The following CTIF variants were observed in gnomAD, a reference collection of about 807,000 sequenced individuals.
CTIF encodes the protein cap binding complex dependent translation initiation factor, also known as CBP80/20-dependent translation initiation factor.
In CTIF, 21 loss-of-function variants were observed where a neutral mutation model predicts 66.0. The ratio of observed to expected loss-of-function variants is 0.32; its 90% CI spans 0.23 to 0.46. CTIF has a LOEUF of 0.46. Ranked by LOEUF, CTIF falls within the 20% of genes least tolerant of loss-of-function variation. The pLI is 1.00. For synonymous variants in CTIF, 345 were observed against 326.4 expected (o/e 1.06, Z -0.62); for missense variants, 739 against 812.7 (o/e 0.91, Z 1.10).
At position 48,862,354 on chromosome 18, in the gene CTIF, C is replaced by G. The variant is rs1013536541; in HGVS notation, c.*2795C>G. 6.6e-6 allele frequency: 1 copy of G among 152,438 alleles called. No homozygotes were observed. The highest frequency in any genetic ancestry group is 2.1e-4 in the South Asian group (1 of 4,838). 9.4% of individuals were successfully genotyped at this position (152,438 alleles called of 1,614,324 possible). A position where few individuals can be genotyped will look rare whatever the true frequency, so the allele number is the denominator to read the frequency against. On this transcript the variant is annotated 3_prime_UTR_variant, in exon 12 of 12. Coordinates refer to ENST00000256413, the MANE Select transcript of CTIF (RefSeq NM_014772.3). ...CAGCCATCTGATGTTGATCCTGTCTCAGTCTCCCCACTGCCTGTCAGGATG... is the reference window on the plus strand; with the variant it reads ...CAGCCATCTGATGTTGATCCTGTCTGAGTCTCCCCACTGCCTGTCAGGATG...
At chr18:48,640,338 G>A (rs770733158) in intron 3 of CTIF, among the ~76,000 whole-genome samples, 9 of 152,172 alleles carry the variant, frequency 5.9e-5, no homozygotes, top group East Asian at 1.9e-4. Context: ...GAGTCAGGGC[G>A]GGCTCTACTT....
At chr18:48,655,735 C>T (rs1027197041) in intron 3 of CTIF, among the ~76,000 whole-genome samples, 1 of 152,164 alleles carries the variant, frequency 6.6e-6, no homozygotes, top group Non-Finnish European at 1.5e-5. Flanking sequence ...TGTAGCAGGC[C>T]TGCTAGGGAA....
intron 6 of CTIF, among the ~76,000 whole-genome samples, chr18:48,674,509 G>T (rs2091593288): frequency 6.6e-6 from 1 of 152,250 alleles, no homozygotes; most frequent in Non-Finnish European, 1.5e-5. Flanking sequence ...TTTAGGAGGT[G>T]ATGCCTCCAC....
intron 1 of CTIF, among the ~76,000 whole-genome samples, chr18:48,554,300 C>T (rs538805773): frequency 3.0e-4 from 46 of 152,358 alleles, no homozygotes; most frequent in Non-Finnish European, 5.0e-4. Flanking sequence ...AGAAGACAAA[C>T]TGAGGACTGG....
At chr18:48,812,986 T>A (rs1260128029) in intron 9 of CTIF, among the ~76,000 whole-genome samples, 1 of 151,088 alleles carries the variant, frequency 6.6e-6, no homozygotes, top group Non-Finnish European at 1.5e-5. Flanking sequence ...CCACTCTCTA[T>A]CTTCTCTATC....
intron 6 of CTIF, among the ~76,000 whole-genome samples, chr18:48,692,237 T>C (rs1268635004): frequency 1.3e-5 from 2 of 152,088 alleles, no homozygotes; most frequent in East Asian, 3.8e-4. Flanking sequence ...TCCACTTGAC[T>C]TCTGGAGGTC....
At chr18:48,829,777 G>A (rs2068652763) in intron 10 of CTIF, among the ~76,000 whole-genome samples, 1 of 152,232 alleles carries the variant, frequency 6.6e-6, no homozygotes, top group South Asian at 2.1e-4. Context: ...CAGCTCTCCA[G>A]GACCCCTGTG....
intron 1 of CTIF, among the ~76,000 whole-genome samples, chr18:48,577,773 C>T (rs1281879319): frequency 6.6e-6 from 1 of 152,182 alleles, no homozygotes; most frequent in East Asian, 1.9e-4. Context: ...AGGCATTTCA[C>T]CATGTTGCCC....
chr18:48,609,888 G>T (rs1482815360), intron 1 of CTIF, among the ~76,000 whole-genome samples: 1 of 152,238 alleles, frequency 6.6e-6, no homozygotes, highest in Non-Finnish European at 1.5e-5. Context: ...CTGGGACTGG[G>T]TGACCTTGAG....
intron 7 of CTIF, among the ~76,000 whole-genome samples, chr18:48,747,938 AATTATT>A (rs767193504): frequency 6.7e-6 from 1 of 150,268 alleles, no homozygotes; most frequent in Admixed American, 6.7e-5. Flanking sequence ...AAATAATAAT[AATTATT>A]ATTATTATTA....
Position 48,594,275 on chromosome 18 carries a change from A to G in CTIF, c.-28-25263A>G, listed in dbSNP as rs184901511. On this transcript the variant is annotated intron_variant, in intron 1 of 11. Coordinates refer to ENST00000256413, the MANE Select transcript of CTIF (RefSeq NM_014772.3). ...CATGTTTGGTTAATACTCCATAGTCACTGTTTTGAAATTTTTATTTTGAGC... is the reference window on the plus strand; with the variant it reads ...CATGTTTGGTTAATACTCCATAGTCGCTGTTTTGAAATTTTTATTTTGAGC... Among the ~76,000 whole-genome samples, 545 of 152,018 alleles carry G rather than the reference A, an allele frequency of 3.6e-3. 4 individuals are homozygous for G. Among genetic ancestry groups the G allele is most frequent in the African/African-American group, 0.013 (519 of 41,440 alleles).
intron 3 of CTIF, among the ~76,000 whole-genome samples, chr18:48,648,395 C>T (rs1328557049): frequency 1.3e-5 from 2 of 151,998 alleles, no homozygotes; most frequent in African/African-American, 2.4e-5. Context: ...CTGCTGTTCT[C>T]CTGCTTCAAA....
intron 9 of CTIF, among the ~76,000 whole-genome samples, chr18:48,793,096 C>T (rs766459748): frequency 2.6e-4 from 40 of 152,228 alleles, no homozygotes; most frequent in African/African-American, 4.1e-4. Context: ...TGGCTGATGA[C>T]GGGGCTCTGA....
chr18:48,569,067 A>C (rs762028316), intron 1 of CTIF, among the ~76,000 whole-genome samples: 4 of 152,148 alleles, frequency 2.6e-5, no homozygotes, highest in Non-Finnish European at 2.9e-5. Flanking sequence ...TCTGTGTCCC[A>C]GCCTCCTCCT....
intron 1 of CTIF, among the ~76,000 whole-genome samples, chr18:48,560,226 ATTTT>A (rs34752495): frequency 7.6e-6 from 1 of 131,346 alleles, no homozygotes. Flanking sequence ...TTTGGAGGCT[ATTTT>A]TTTTTTTTTT....
At chr18:48,682,038 G>A (rs1473672282) in intron 6 of CTIF, among the ~76,000 whole-genome samples, 15 of 151,752 alleles carry the variant, frequency 9.9e-5, no homozygotes, top group Non-Finnish European at 2.1e-4. Context: ...CACCTGCCTC[G>A]GCCTCCCAAA....
chr18:48,658,276 A>C (rs986767897), intron 3 of CTIF, among the ~76,000 whole-genome samples: 6 of 151,586 alleles, frequency 4.0e-5, no homozygotes, highest in African/African-American at 1.5e-4. Context: ...TTGTATGTAT[A>C]TGTGTGTGGT....
At chr18:48,735,842 G>A (rs1288580785) in intron 7 of CTIF, among the ~76,000 whole-genome samples, 1 of 152,196 alleles carries the variant, frequency 6.6e-6, no homozygotes, top group Non-Finnish European at 1.5e-5. Context: ...CCTGCGAGCT[G>A]CAGCCATCAA....
intron 3 of CTIF, among the ~76,000 whole-genome samples, chr18:48,659,644 T>A (rs1268338986): frequency 1.3e-5 from 2 of 152,016 alleles, no homozygotes; most frequent in Admixed American, 6.5e-5. Flanking sequence ...AGGAGGCCGG[T>A]CAGTGTGAGA....
Sources: allele counts gnomAD v4.1 joint callset (sites outside exome capture counted in the v4.1 genomes callset), GRCh38; gene constraint gnomAD v4.1.1; transcripts MANE v1.5; gene names NCBI Gene and HGNC (gene_info 2026-07-23, HGNC 2026-07-21).